SPATA7: variants seen among roughly 807,000 people sequenced by gnomAD.
SPATA7 encodes spermatogenesis-associated protein 7.
A neutral mutation model predicts 51.8 loss-of-function variants in SPATA7; 43 were observed. The ratio of observed to expected loss-of-function variants is 0.83; its 90% CI spans 0.65 to 1.07. The LOEUF is 1.07. Ranked by LOEUF, SPATA7 falls within the 50% of genes least tolerant of loss-of-function variation. The probability of loss-of-function intolerance (pLI) is 0.00; values close to 1 mark genes in which losing one functional copy is unlikely to be tolerated. For synonymous variants in SPATA7, 230 were observed against 252.8 expected, an observed-to-expected ratio of 0.91 and a Z score of 0.86; for missense variants, 683 against 701.3, an observed-to-expected ratio of 0.97 and a Z score of 0.30.
Position 88,469,952 on chromosome 14 carries a change from AATT to A in SPATA7, c.*86_*88del. On this transcript the variant is annotated 3_prime_UTR_variant, in exon 5 of 5. Coordinates refer to the SPATA7 transcript ENST00000556406. This position sits in a 1 kb window ranked among gnomAD's most constrained non-coding sequence, Gnocchi z 4.3. ...CTGCTGTCACCATTGCTATAATTGC[AATT>A]CCCTGTTCCCATACCATCTGCCAAA... 6.2e-7 allele frequency: 1 copy of A among 1,614,148 alleles called. No homozygotes were observed. Among genetic ancestry groups the A allele is most frequent in the Non-Finnish European group, 8.5e-7 (1 of 1,180,024 alleles).
chr14:88,427,735 A>G (rs1204253179), intron 7 of SPATA7, 39 bp downstream of exon 7: 2 of 1,387,060 alleles, frequency 1.4e-6, no homozygotes, highest in Non-Finnish European at 2.1e-6. Context: ...CTACATTTGA[A>G]TTACAGATGT....
downstream of SPATA7, among the ~76,000 whole-genome samples, chr14:88,458,087 A>T (rs961869445): frequency 6.6e-6 from 1 of 152,090 alleles, no homozygotes; most frequent in Non-Finnish European, 1.5e-5. Flanking sequence ...CCACTTGATC[A>T]TGGTGGATAA....
chr14:88,435,386 G>A (rs2077055867), intron 10 of SPATA7, among the ~76,000 whole-genome samples: 1 of 152,144 alleles, frequency 6.6e-6, no homozygotes, highest in South Asian at 2.1e-4. Context: ...GAACGTCACG[G>A]AGAGTGGGGT....
At chr14:88,432,502 A>G (rs1031950495) in intron 9 of SPATA7, 1 of 152,242 alleles carries the variant, frequency 6.6e-6, no homozygotes, top group Admixed American at 6.5e-5. Context: ...AAATATAGTT[A>G]TAATAGAGAA....
At chr14:88,430,471 G>A (rs1252938295) in intron 8 of SPATA7, among the ~76,000 whole-genome samples, 1 of 152,066 alleles carries the variant, frequency 6.6e-6, no homozygotes, top group Non-Finnish European at 1.5e-5. Flanking sequence ...TAGTATAGTT[G>A]AGTATACCTG....
At chr14:88,421,313 A>T (rs1420218204) in intron 5 of SPATA7, among the ~76,000 whole-genome samples, 1 of 152,004 alleles carries the variant, frequency 6.6e-6, no homozygotes, top group Non-Finnish European at 1.5e-5. Flanking sequence ...AGAATCCCAG[A>T]TTCTCAAGCA....
chr14:88,386,013 C>T lies in SPATA7; in HGVS notation c.19+176C>T, dbSNP rs1049054450. 5.5e-6 allele frequency: 8 copies of T among 1,464,152 alleles called. No individual in the cohort carries two copies. In the Admixed American group the frequency reaches 1.3e-4, roughly 24 times the overall value. The allele number at this position is 1,464,152 out of a possible 1,614,324, so 90.7% of individuals were successfully genotyped here. A position where few individuals can be genotyped will look rare whatever the true frequency, so the allele number is the denominator to read the frequency against. On this transcript the variant is annotated intron_variant, in intron 1 of 11. Coordinates refer to ENST00000393545, the MANE Select transcript of SPATA7 (RefSeq NM_018418.5). ...GCCTGCGCAAAGGAAGAGGGAGAGC[C>T]TGCTTGCCAGCCTCGCAGGTCCGCT...
intron 1 of SPATA7, among the ~76,000 whole-genome samples, chr14:88,389,631 C>T (rs925781703): frequency 3.3e-5 from 5 of 152,088 alleles, no homozygotes; most frequent in Non-Finnish European, 7.4e-5. Context: ...ATCTAAATTC[C>T]ATGTTTGTTC....
intron 1 of SPATA7, among the ~76,000 whole-genome samples, chr14:88,387,068 A>G (rs568114158): frequency 2.0e-5 from 3 of 152,378 alleles, no homozygotes; most frequent in African/African-American, 7.2e-5. Context: ...CATTAGCCTT[A>G]TTTCATAGTG....
At chr14:88,431,457 G>A (rs559037811) in intron 9 of SPATA7, among the ~76,000 whole-genome samples, 1 of 152,208 alleles carries the variant, frequency 6.6e-6, no homozygotes, top group East Asian at 1.9e-4. Flanking sequence ...ATTTCTTTGT[G>A]TTGGAAACAT....
At chr14:88,446,098 T>C (rs1188975012) in intron 3 of SPATA7, among the ~76,000 whole-genome samples, 3 of 152,228 alleles carry the variant, frequency 2.0e-5, no homozygotes, top group African/African-American at 7.2e-5. Flanking sequence ...AGAATTCGGC[T>C]GTGAATCCAT....
At position 88,426,555 on chromosome 14, in the gene SPATA7, C is replaced by CT. The variant is rs567890014; in HGVS notation, c.700dup (p.Ser234PhefsTer2). The CT allele has an allele frequency of 1.9e-6, 3 of 1,614,152 alleles. No homozygotes were observed. Among genetic ancestry groups the CT allele is most frequent in the Non-Finnish European group, 2.5e-6 (3 of 1,180,020 alleles). ...ATCTTTTGGATAAACATTCTGAACT[C>CT]TTTTCTAACAAACAATTGCCATTCA... On this transcript the variant is annotated frameshift_variant, in exon 6 of 12. Coordinates refer to ENST00000393545, the MANE Select transcript of SPATA7 (RefSeq NM_018418.5). LOFTEE classifies it high-confidence loss of function.
At chr14:88,451,350 A>G (rs2077249311) in intron 3 of SPATA7, among the ~76,000 whole-genome samples, 1 of 151,826 alleles carries the variant, frequency 6.6e-6, no homozygotes, top group Non-Finnish European at 1.5e-5. Flanking sequence ...TTCTATTTTT[A>G]GTAGAGACAG....
chr14:88,426,211 T>G (rs2076786891), intron 5 of SPATA7, 21 bp from the exon 6 acceptor site: 1 of 1,549,894 alleles, frequency 6.5e-7, no homozygotes, highest in Non-Finnish European at 8.9e-7. Flanking sequence ...AGTTGATGAC[T>G]GTCATATCGA....
intron 4 of SPATA7, among the ~76,000 whole-genome samples, chr14:88,409,121 A>T (rs561601906): frequency 1.3e-5 from 2 of 152,244 alleles, no homozygotes; most frequent in African/African-American, 4.8e-5. Context: ...AAAATGAGTT[A>T]GAGAGGAGTC....
intron 10 of SPATA7, among the ~76,000 whole-genome samples, chr14:88,434,872 A>C (rs1014647850): frequency 5.9e-5 from 9 of 152,192 alleles, no homozygotes; most frequent in Non-Finnish European, 2.9e-5. Context: ...TTTAATAAAA[A>C]ATTGTGAAAT....
rs766606871 is a variant in SPATA7 at position 88,451,772 on chromosome 14, G to T, written c.178-3288G>T. 1.9e-4 allele frequency among the ~76,000 whole-genome samples: 29 copies of T among 152,170 alleles called. 1 individual carries two copies. Among genetic ancestry groups the T allele is most frequent in the Non-Finnish European group, 3.5e-4 (24 of 68,032 alleles). On this transcript the variant is annotated intron_variant, in intron 3 of 3. Transcript: ENST00000554802. ...ACTCCTGACCTCAAGTGATCCACCTGCTTCGGCCTCCCAAAGTGTTGGGGT... is the reference window on the plus strand; with the variant it reads ...ACTCCTGACCTCAAGTGATCCACCTTCTTCGGCCTCCCAAAGTGTTGGGGT...
chr14:88,413,981 A>G (rs1186376786), intron 4 of SPATA7, among the ~76,000 whole-genome samples: 1 of 152,020 alleles, frequency 6.6e-6, no homozygotes, highest in East Asian at 1.9e-4. Context: ...TTTTGTGTCT[A>G]TGTTAATCAG....
intron 4 of SPATA7, chr14:88,468,378 T>C: frequency 9.5e-7 from 1 of 1,055,634 alleles, no homozygotes; most frequent in East Asian, 2.5e-5. Context: ...CAGTCTCTTT[T>C]CCACCTTAGC....
Sources: gnomAD v4.1 joint callset for allele counts (sites outside exome capture counted in the v4.1 genomes callset) on GRCh38, gnomAD v4.1.1 for gene constraint, Gnocchi (gnomAD v3.1) non-coding constraint, MANE v1.5 for transcripts, NCBI Gene and HGNC (gene_info 2026-07-23, HGNC 2026-07-21) for gene names.